SORCS1: variants seen among roughly 807,000 people sequenced by gnomAD.
SORCS1 encodes the protein VPS10 domain-containing receptor SorCS1.
In SORCS1, 60 loss-of-function variants were observed where a neutral mutation model predicts 146.1. That is an observed-to-expected ratio of 0.41 (90% CI 0.33 to 0.51). The LOEUF (loss-of-function observed/expected upper bound fraction) is 0.51, where lower values mean the gene tolerates loss of function less well. Among genes scored for constraint, SORCS1 ranks in the 20% least tolerant of loss-of-function variants. SORCS1 has a pLI of 0.21. For missense variants in SORCS1, 1,352 were observed against 1,487.6 expected, an observed-to-expected ratio of 0.91 and a Z score of 1.50; for synonymous variants, 637 against 584.0, an observed-to-expected ratio of 1.09 and a Z score of -1.31.
At chr10:107,175,963 G>A in the SORCS1 span, among the ~76,000 whole-genome samples, 1 of 151,892 alleles carries the variant, frequency 6.6e-6, no homozygotes, top group East Asian at 1.9e-4. Context: ...AGTTTATCAG[G>A]TTTATTAATT....
chr10:106,627,207 A>G (rs1398022626), intron 19 of SORCS1, among the ~76,000 whole-genome samples: 1 of 152,170 alleles, frequency 6.6e-6, no homozygotes, highest in African/African-American at 2.4e-5. Flanking sequence ...TGAGAAAAAA[A>G]CCTACAGAGT....
chr10:106,978,080 A>T (rs1008035352), intron 1 of SORCS1, among the ~76,000 whole-genome samples: 1 of 152,080 alleles, frequency 6.6e-6, no homozygotes, highest in Non-Finnish European at 1.5e-5. Context: ...AGTAGCTGGG[A>T]TTATAGGCAC....
At position 106,912,078 on chromosome 10, in the gene SORCS1, A is replaced by T. The variant is rs1229667997; in HGVS notation, c.626+44435T>A. Among the ~76,000 whole-genome samples the T allele has an allele frequency of 2.7e-5, 4 of 147,140 alleles. No homozygotes were observed. The Admixed American group carries it at 2.8e-4, about 10-fold the overall frequency. ...CAGTGAGCTGAGATCCTGCCACTGC[A>T]CTCCAGCCTGAGCGACAGATTGAGC... On this transcript the variant is annotated intron_variant, in intron 2 of 25. Transcript: ENST00000263054.
chr10:106,985,926 G>C (rs1956452077), intron 1 of SORCS1, among the ~76,000 whole-genome samples: 1 of 151,820 alleles, frequency 6.6e-6, no homozygotes. Flanking sequence ...CAAGGGTTCA[G>C]TCATTAAGTG....
chr10:107,061,869 G>A (rs1020826106), intron 1 of SORCS1, among the ~76,000 whole-genome samples: 1 of 152,126 alleles, frequency 6.6e-6, no homozygotes, highest in Non-Finnish European at 1.5e-5. Context: ...TACGTTAACA[G>A]AATAAGGTTA....
At chr10:106,875,185 C>T (rs1395263262) in intron 2 of SORCS1, among the ~76,000 whole-genome samples, 1 of 152,182 alleles carries the variant, frequency 6.6e-6, no homozygotes, top group Non-Finnish European at 1.5e-5. Flanking sequence ...CATAGCTCAG[C>T]TCCCACTTCT....
chr10:107,028,885 T>G (rs1160221526), intron 1 of SORCS1, among the ~76,000 whole-genome samples: 1 of 152,206 alleles, frequency 6.6e-6, no homozygotes, highest in Non-Finnish European at 1.5e-5. Flanking sequence ...GCAAGCCACT[T>G]AATCTCGCTT....
At chr10:107,053,370 T>C (rs1349967856) in intron 1 of SORCS1, among the ~76,000 whole-genome samples, 1 of 152,152 alleles carries the variant, frequency 6.6e-6, no homozygotes, top group Non-Finnish European at 1.5e-5. Context: ...GCCTTTAAAA[T>C]ATTTAGTTCA....
chr10:107,010,691 G>A (rs1427937962), intron 1 of SORCS1, among the ~76,000 whole-genome samples: 1 of 55,836 alleles, frequency 1.8e-5, no homozygotes, highest in East Asian at 2.7e-4. Flanking sequence ...TGGGGCCTGT[G>A]GGTCATTTTG....
chr10:106,751,504 C>T (rs1273304304), intron 5 of SORCS1, among the ~76,000 whole-genome samples: 1 of 152,184 alleles, frequency 6.6e-6, no homozygotes, highest in East Asian at 1.9e-4. Flanking sequence ...ACTGTGAGAG[C>T]AGTCTAGGAT....
intron 13 of SORCS1, among the ~76,000 whole-genome samples, chr10:106,676,600 T>C (rs1027618307): frequency 6.6e-6 from 1 of 152,120 alleles, no homozygotes; most frequent in Non-Finnish European, 1.5e-5. Flanking sequence ...CAAAGTATAA[T>C]GCAATTTCTC....
At chr10:106,705,976 T>C (rs1433778888) in intron 8 of SORCS1, among the ~76,000 whole-genome samples, 1 of 152,192 alleles carries the variant, frequency 6.6e-6, no homozygotes, top group Non-Finnish European at 1.5e-5. Context: ...CAAAGGCTGG[T>C]GCCACGTCAC....
chr10:106,659,708 C>A (rs1377469868), intron 17 of SORCS1, among the ~76,000 whole-genome samples: 1 of 152,084 alleles, frequency 6.6e-6, no homozygotes, highest in African/African-American at 2.4e-5. Context: ...TGTTCTCTTG[C>A]CACTGTACCA....
At chr10:106,945,553 C>T (rs1954295217) in intron 2 of SORCS1, among the ~76,000 whole-genome samples, 1 of 152,120 alleles carries the variant, frequency 6.6e-6, no homozygotes, top group Non-Finnish European at 1.5e-5. Context: ...AGAATTTTAC[C>T]ACGTGGTGTT....
At chr10:106,784,520 C>T (rs547466941) in intron 3 of SORCS1, among the ~76,000 whole-genome samples, 1 of 152,100 alleles carries the variant, frequency 6.6e-6, no homozygotes, top group Non-Finnish European at 1.5e-5. Context: ...TTTGAGCCAC[C>T]TTAAAAATCT....
chr10:107,141,311 A>AT (rs1967822085), intron 1 of SORCS1, among the ~76,000 whole-genome samples: 1 of 152,194 alleles, frequency 6.6e-6, no homozygotes. Context: ...GCACACACAC[A>AT]TTATTTAATA....
intron 1 of SORCS1, among the ~76,000 whole-genome samples, chr10:107,162,631 T>A (rs894119548): frequency 6.6e-6 from 1 of 152,204 alleles, no homozygotes; most frequent in South Asian, 2.1e-4. Context: ...CTAAATATTA[T>A]CTATCATGAT....
At chr10:107,152,279 G>C (rs1968869287) in intron 1 of SORCS1, among the ~76,000 whole-genome samples, 1 of 152,198 alleles carries the variant, frequency 6.6e-6, no homozygotes, top group Non-Finnish European at 1.5e-5. Flanking sequence ...TTGCTGCAGG[G>C]GTGGAGCCCT....
chr10:106,615,765 G>A (rs746389900), intron 21 of SORCS1, among the ~76,000 whole-genome samples: 1 of 152,144 alleles, frequency 6.6e-6, no homozygotes, highest in Non-Finnish European at 1.5e-5. Context: ...ATCTCTTAAC[G>A]AAGAGACATA....
Sources: allele counts gnomAD v4.1 joint callset (sites outside exome capture counted in the v4.1 genomes callset), GRCh38; gene constraint gnomAD v4.1.1; transcripts MANE v1.5; gene names NCBI Gene and HGNC (gene_info 2026-07-23, HGNC 2026-07-21).